VPS13C: variants seen among roughly 807,000 people sequenced by gnomAD.
VPS13C encodes the protein intermembrane lipid transfer protein VPS13C.
VPS13C carries 358 observed loss-of-function variants against 456.8 expected under a neutral mutation model. That is an observed-to-expected ratio of 0.78 (90% confidence interval 0.72 to 0.86). The LOEUF (loss-of-function observed/expected upper bound fraction) is 0.86, where lower values mean the gene tolerates loss of function less well. Among genes scored for constraint, VPS13C ranks in the 40% least tolerant of loss-of-function variants. The pLI, the probability that VPS13C is intolerant of heterozygous loss-of-function variation, is 0.00. For missense variants in VPS13C, 4,818 were observed against 4,385.4 expected (o/e 1.10, Z -2.79); for synonymous variants, 1,578 against 1,486.7 (o/e 1.06, Z -1.41).
rs758811522 is a variant in VPS13C at position 61,882,757 on chromosome 15, T to G, written c.9484-21A>C. 5 of 1,577,256 alleles carry G rather than the reference T, an allele frequency of 3.2e-6. No individual in the cohort carries two copies. In the East Asian group the frequency reaches 1.1e-4, roughly 36 times the overall value. ...TTGACCTAGAAAAAAAGCACATGTT[T>G]TTGTGATGAGCTGATATTAGCACAG... On this transcript the variant is annotated intron_variant, in intron 68 of 84. Transcript: ENST00000644861.
chr15:62,054,851 G>A (rs1483983895), intron 1 of VPS13C, among the ~76,000 whole-genome samples: 1 of 152,000 alleles, frequency 6.6e-6, no homozygotes, highest in Admixed American at 6.5e-5. Context: ...ACCCAGCCAG[G>A]TTTGTTAATC....
chr15:62,017,725 C>A (rs1302328506), intron 9 of VPS13C, among the ~76,000 whole-genome samples: 1 of 152,148 alleles, frequency 6.6e-6, no homozygotes, highest in Non-Finnish European at 1.5e-5. Context: ...AGCGTGATGC[C>A]TCCAGCTTTG....
intron 49 of VPS13C, 84 bp downstream of exon 49, chr15:61,934,135 T>C (rs1220140364): frequency 3.8e-6 from 3 of 796,588 alleles, no homozygotes; most frequent in Non-Finnish European, 5.6e-6. Context: ...TAATGAAAAG[T>C]CCCACACAAA....
At chr15:61,916,256 T>G (rs947219936) in intron 60 of VPS13C, among the ~76,000 whole-genome samples, 2 of 152,142 alleles carry the variant, frequency 1.3e-5, no homozygotes, top group African/African-American at 4.8e-5. Flanking sequence ...CTAATAGCCA[T>G]CAGTTTTGTG....
In VPS13C at chr15:62,020,555, G is replaced by T. The variant is rs2047426688; in HGVS notation, c.625-17C>A. ...ATCAGTGACCTACCAAAGAAGAAAA[G>T]ATAACAGTAAAATATGCTGATGGTG... On this transcript the variant is annotated splice_polypyrimidine_tract_variant and intron_variant, in intron 8 of 84. Transcript: ENST00000644861. 5 of 1,610,040 alleles carry T rather than the reference G, an allele frequency of 3.1e-6. No homozygotes were observed. The highest frequency in any genetic ancestry group is 4.2e-6 in the Non-Finnish European group (5 of 1,177,594).
intron 47 of VPS13C, among the ~76,000 whole-genome samples, chr15:61,939,864 G>A (rs2140252154): frequency 6.6e-6 from 1 of 151,980 alleles, no homozygotes; most frequent in Admixed American, 6.6e-5. Context: ...GTGGATGGCG[G>A]GTGCCTGTAA....
chr15:61,964,814 G>A lies in VPS13C; in HGVS notation c.3099C>T (p.Val1033=), dbSNP rs573291312. Residue 1033 remains valine (V), a synonymous_variant, in exon 31 of 85, where the codon GTC becomes GTT. Coordinates refer to ENST00000644861, the MANE Select transcript of VPS13C (RefSeq NM_020821.3). ...TGGTTGTGAGGTAATTAATAGAAGC[G>A]ACAAGAGCTTGTGTTTGCAGCAACA... The part of the protein sequence containing the change: ...LNLLLQTQAL[V]ASINYLTTII... 9.9e-6 allele frequency: 16 copies of A among 1,611,750 alleles called. No individual in the cohort carries two copies. Among genetic ancestry groups the A allele is most frequent in the African/African-American group, 2.7e-5 (2 of 74,870 alleles).
At chr15:61,951,609 T>A (rs2044794725) in intron 39 of VPS13C, among the ~76,000 whole-genome samples, 1 of 152,144 alleles carries the variant, frequency 6.6e-6, no homozygotes, top group Non-Finnish European at 1.5e-5. Context: ...TTTAAAAATT[T>A]AAAAAACAAA....
intron 50 of VPS13C, among the ~76,000 whole-genome samples, 155 bp downstream of exon 50, chr15:61,930,935 G>T (rs943575729): frequency 6.6e-6 from 1 of 152,166 alleles, no homozygotes; most frequent in Non-Finnish European, 1.5e-5. Flanking sequence ...AGCTGAATCT[G>T]ATATTAGCAC....
intron 5 of VPS13C, among the ~76,000 whole-genome samples, chr15:62,030,922 T>C (rs758727824): frequency 6.6e-6 from 1 of 152,118 alleles, no homozygotes; most frequent in African/African-American, 2.4e-5. Flanking sequence ...CTATTGATTT[T>C]CAAGTGTGTG....
chr15:61,874,805 T>TA, intron 77 of VPS13C, 71 bp downstream of exon 77: 1 of 1,360,888 alleles, frequency 7.3e-7, no homozygotes, highest in Non-Finnish European at 1.0e-6. Context: ...AAGCATTTGT[T>TA]TTTCATAACA....
Position 61,868,649 on chromosome 15 carries a change from C to T in VPS13C, c.10863+10G>A. ...CCATTTCACTCGTGACCATGAAGAA[C>T]AAAATTTACCTCAAGTAAGTCAGAG... On this transcript the variant is annotated intron_variant, in intron 81 of 84. Coordinates refer to ENST00000644861, the MANE Select transcript of VPS13C (RefSeq NM_020821.3). 1 of 1,612,862 alleles carries T rather than the reference C, an allele frequency of 6.2e-7. No homozygotes were observed. The highest frequency in any genetic ancestry group is 8.5e-7 in the Non-Finnish European group (1 of 1,179,082).
At chr15:61,969,797 T>G (rs890342366) in intron 27 of VPS13C, among the ~76,000 whole-genome samples, 2 of 152,152 alleles carry the variant, frequency 1.3e-5, no homozygotes, top group African/African-American at 4.8e-5. Flanking sequence ...GTATCCCCAT[T>G]AAAGTAGAAA....
At chr15:62,007,830 C>T (rs1029736389) in intron 14 of VPS13C, among the ~76,000 whole-genome samples, 6 of 152,082 alleles carry the variant, frequency 3.9e-5, no homozygotes, top group Non-Finnish European at 8.8e-5. Context: ...ATTTGGGAAC[C>T]GGCAGGGTGC....
intron 1 of VPS13C, among the ~76,000 whole-genome samples, chr15:62,046,673 A>C (rs975883047): frequency 6.6e-6 from 1 of 152,222 alleles, no homozygotes; most frequent in Non-Finnish European, 1.5e-5. Flanking sequence ...TCTGCGTTAG[A>C]GATGAAGTCT....
At position 61,927,171 on chromosome 15, in the gene VPS13C, T is replaced by C. The variant is rs749103943; in HGVS notation, c.6436A>G (p.Met2146Val). 5 of 1,614,046 alleles carry C rather than the reference T, an allele frequency of 3.1e-6. No homozygotes were observed. The highest frequency in any genetic ancestry group is 2.7e-5 in the African/African-American group (2 of 74,920). Residue 2146 changes from methionine (M) to valine (V), a missense_variant, in exon 52 of 85, where the codon ATG becomes GTG. Physicochemically the swap from Met to Val is conservative, Grantham distance 21. This residue lies in a region of VPS13C where 4,552 missense variants were observed against 4,130.6 expected (regional missense o/e 1.10). Transcript: ENST00000644861. The stretch of plus-strand genomic sequence containing the variant: ...AGATCTCTCACAGAAGCTTCCATCA[T>C]CTGTTCGAGTTTGGATGTTGACAGA... The part of the protein sequence containing the change: ...LSLSTSKLEQ[M>V]MEASVRDLKV...
Position 61,908,983 on chromosome 15 carries a change from T to C in VPS13C, c.8978+9A>G. ...AAAAGTATTTCCCATTAACCCTTTT[T>C]TCTCATACCTCTGTTTGTATGTGAG... On this transcript the variant is annotated intron_variant, in intron 65 of 84. Transcript: ENST00000644861. 6.2e-7 allele frequency: 1 copy of C among 1,612,534 alleles called. No homozygotes were observed. Among genetic ancestry groups the C allele is most frequent in the African/African-American group, 1.3e-5 (1 of 74,972 alleles).
chr15:61,899,791 T>C (rs535047052), intron 66 of VPS13C, among the ~76,000 whole-genome samples: 4 of 152,110 alleles, frequency 2.6e-5, no homozygotes, highest in Admixed American at 1.3e-4. Context: ...ATACCAAAGC[T>C]GGGCAGAGAC....
chr15:61,948,081 C>G (rs1161511974), intron 42 of VPS13C, among the ~76,000 whole-genome samples: 1 of 152,070 alleles, frequency 6.6e-6, no homozygotes. Flanking sequence ...ATCACCAGTA[C>G]GACAGGTTGT....
Sources: allele counts gnomAD v4.1 joint callset (sites outside exome capture counted in the v4.1 genomes callset), GRCh38; gene constraint gnomAD v4.1.1; regional missense constraint gnomAD v4.1.1; transcripts MANE v1.5; gene names NCBI Gene and HGNC (gene_info 2026-07-23, HGNC 2026-07-21).